ANKRD30A: variants seen among roughly 807,000 people sequenced by gnomAD.
ANKRD30A encodes ankyrin repeat domain-containing protein 30A.
ANKRD30A carries 170 observed loss-of-function variants against 166.3 expected under a neutral mutation model. The ratio of observed to expected loss-of-function variants is 1.02; its 90% CI spans 0.90 to 1.16. The LOEUF (loss-of-function observed/expected upper bound fraction) is 1.16, where lower values mean the gene tolerates loss of function less well. Among genes scored for constraint, ANKRD30A ranks in the 50% most tolerant of loss-of-function variants. The pLI, the probability that ANKRD30A is intolerant of heterozygous loss-of-function variation, is 0.00. For missense variants in ANKRD30A, 1,630 were observed against 1,518.0 expected, an observed-to-expected ratio of 1.07 and a Z score of -1.23; for synonymous variants, 564 against 508.9, an observed-to-expected ratio of 1.11 and a Z score of -1.46.
At chr10:37,149,738 A>G in intron 10 of ANKRD30A, 39 bp from the exon 11 acceptor site, 1 of 1,612,822 alleles carries the variant, frequency 6.2e-7, no homozygotes, top group Non-Finnish European at 8.5e-7. Flanking sequence ...TGTGAAGTAT[A>G]CATTCTTTAT....
At chr10:37,200,732 A>G (rs1398596474) in intron 30 of ANKRD30A, among the ~76,000 whole-genome samples, 1 of 152,132 alleles carries the variant, frequency 6.6e-6, no homozygotes. Context: ...AAAATAAAGC[A>G]GCTTTTTCAA....
chr10:37,253,216 A>G, the ANKRD30A span, among the ~76,000 whole-genome samples: 1 of 152,178 alleles, frequency 6.6e-6, no homozygotes, highest in Non-Finnish European at 1.5e-5. Flanking sequence ...GCATTGTCTG[A>G]TAGAACTTTC....
the ANKRD30A span, among the ~76,000 whole-genome samples, chr10:37,262,181 C>G: frequency 4.6e-5 from 7 of 152,282 alleles, no homozygotes; most frequent in African/African-American, 1.7e-4. Flanking sequence ...TTCACATCTA[C>G]CTGCAAAGGA....
chr10:37,239,242 C>T, the ANKRD30A span, among the ~76,000 whole-genome samples: 5 of 152,086 alleles, frequency 3.3e-5, no homozygotes, highest in South Asian at 2.1e-4. Context: ...TATGCAGCTA[C>T]GTGATACTTT....
At chr10:37,227,806 G>A (rs2132761516) in intron 34 of ANKRD30A, among the ~76,000 whole-genome samples, 1 of 152,042 alleles carries the variant, frequency 6.6e-6, no homozygotes, top group Middle Eastern at 3.4e-3. Context: ...ACTATTTCAT[G>A]CATTAGGTTC....
At chr10:37,242,086 A>C in the ANKRD30A span, 1 of 152,204 alleles carries the variant, frequency 6.6e-6, no homozygotes, top group African/African-American at 2.4e-5. Context: ...TTGTTGCAAA[A>C]GATTCCATTC....
At chr10:37,126,813 G>A (rs1208407835) in intron 1 of ANKRD30A, among the ~76,000 whole-genome samples, 1 of 151,964 alleles carries the variant, frequency 6.6e-6, no homozygotes, top group Non-Finnish European at 1.5e-5. Flanking sequence ...TTTGGGCTGC[G>A]GAGGCAGGTG....
Position 37,192,758 on chromosome 10 carries a change from T to A in ANKRD30A, c.2513-306T>A, listed in dbSNP as rs192216108. On this transcript the variant is annotated intron_variant, in intron 25 of 35. Coordinates refer to ENST00000361713, the MANE Select transcript of ANKRD30A (RefSeq NM_052997.3). ...TCTTATTAAATACAACTTCTTTCCT[T>A]ATACGGCCGCTTTCTCTTACTGATA... is the stretch of plus-strand genomic sequence containing the variant. Among the ~76,000 whole-genome samples the A allele has an allele frequency of 1.4e-3, 213 of 152,190 alleles. 1 individual carries two copies. The highest frequency in any genetic ancestry group is 6.8e-3 in the East Asian group (35 of 5,180).
rs149353447 is a variant in ANKRD30A at position 37,230,940 on chromosome 10, C to A, written c.4186-521C>A. On this transcript the variant is annotated intron_variant, in intron 34 of 35. Transcript: ENST00000361713. ...AATTGTCTTTGAAGCTGCTTTAGTT[C>A]TTTTTGATCTCTCACTCAGCTATCT... is the stretch of plus-strand genomic sequence containing the variant. Among the ~76,000 whole-genome samples the A allele has an allele frequency of 2.0e-5, 3 of 152,170 alleles. No individual in the cohort carries two copies. The East Asian group carries it at 5.8e-4, about 29-fold the overall frequency.
intron 1 of ANKRD30A, 72 bp downstream of exon 1, chr10:37,126,080 G>T: frequency 6.6e-7 from 1 of 1,509,182 alleles, no homozygotes. Context: ...CTTCAGAGTC[G>T]GGGGCTGGGG....
Position 37,158,079 on chromosome 10 carries a change from C to A in ANKRD30A, c.1799-313C>A, listed in dbSNP as rs566527176. Among the ~76,000 whole-genome samples the A allele has an allele frequency of 5.3e-5, 8 of 152,238 alleles. No individual in the cohort carries two copies. The South Asian group carries it at 1.0e-3, about 20-fold the overall frequency. ...TTGGTCATCTTATTAAATACAACTT[C>A]TTTCCTTATACGGCCGCTTTCTCTT... is the stretch of plus-strand genomic sequence containing the variant. On this transcript the variant is annotated intron_variant, in intron 13 of 35. Coordinates refer to ENST00000361713, the MANE Select transcript of ANKRD30A (RefSeq NM_052997.3).
At chr10:37,140,599 A>G (rs72787519) in intron 6 of ANKRD30A, among the ~76,000 whole-genome samples, 2,097 of 152,320 alleles carry the variant, frequency 0.014, 24 homozygotes, top group Non-Finnish European at 0.021. Context: ...ATGTTGTTCT[A>G]TCTGCTGGAT....
intron 31 of ANKRD30A, among the ~76,000 whole-genome samples, chr10:37,210,049 G>A (rs1247070132): frequency 6.6e-6 from 1 of 152,028 alleles, no homozygotes; most frequent in Non-Finnish European, 1.5e-5. Context: ...ATTCCATGGT[G>A]GTTTGCTGTA....
At chr10:37,130,130 C>G (rs1372806723) in intron 2 of ANKRD30A, 75 bp from the exon 3 acceptor site, 1 of 1,158,672 alleles carries the variant, frequency 8.6e-7, no homozygotes, top group African/African-American at 1.6e-5. Flanking sequence ...TTTTGATTTC[C>G]TATAATTTAT....
At chr10:37,243,134 A>ATT in the ANKRD30A span, among the ~76,000 whole-genome samples, 65 of 136,760 alleles carry the variant, frequency 4.8e-4, no homozygotes, top group Middle Eastern at 3.9e-3. Flanking sequence ...TAATTTCCAA[A>ATT]TTTTTTTTTT....
chr10:37,235,038 C>G (rs1011465667), downstream of ANKRD30A, among the ~76,000 whole-genome samples: 1 of 152,172 alleles, frequency 6.6e-6, no homozygotes, highest in African/African-American at 2.4e-5. Flanking sequence ...AATTTTAACT[C>G]TAATCAAACT....
At chr10:37,245,727 A>G in the ANKRD30A span, among the ~76,000 whole-genome samples, 1 of 152,152 alleles carries the variant, frequency 6.6e-6, no homozygotes, top group Non-Finnish European at 1.5e-5. Flanking sequence ...TCAAGGTGTC[A>G]GCTGGGCTGA....
intron 34 of ANKRD30A, among the ~76,000 whole-genome samples, chr10:37,220,447 T>C (rs2132746900): frequency 6.6e-6 from 1 of 151,258 alleles, no homozygotes; most frequent in Non-Finnish European, 1.5e-5. Context: ...GTATTTTAGT[T>C]GATAGAATTT....
downstream of ANKRD30A, among the ~76,000 whole-genome samples, chr10:37,235,562 A>G (rs531411152): frequency 6.6e-6 from 1 of 152,236 alleles, no homozygotes; most frequent in Non-Finnish European, 1.5e-5. Flanking sequence ...TATATTAATT[A>G]TGGAAAAGTA....
Sources: gnomAD v4.1 joint callset for allele counts (sites outside exome capture counted in the v4.1 genomes callset) on GRCh38, gnomAD v4.1.1 for gene constraint, MANE v1.5 for transcripts, NCBI Gene and HGNC (gene_info 2026-07-23, HGNC 2026-07-21) for gene names.